Variants in ZFAT observed in about 807,000 individuals in gnomAD.
The protein encoded by ZFAT is zinc finger protein ZFAT.
A neutral mutation model predicts 117.7 loss-of-function variants in ZFAT; 64 were observed. The observed-to-expected ratio is 0.54, with a 90% CI of 0.44 to 0.67. The LOEUF (loss-of-function observed/expected upper bound fraction) is 0.67, where lower values mean the gene tolerates loss of function less well. ZFAT is among the 30% of genes least tolerant of loss of function. The pLI is 0.00. For missense variants in ZFAT, 1,433 were observed against 1,584.5 expected (o/e 0.90, Z 1.62); for synonymous variants, 679 against 615.0 (o/e 1.10, Z -1.54).
chr8:134,486,342 T>A (rs1409854631), intron 15 of ZFAT, among the ~76,000 whole-genome samples: 1 of 149,086 alleles, frequency 6.7e-6, no homozygotes, highest in Non-Finnish European at 1.5e-5. Context: ...ACAGGAATCA[T>A]CCTTTATGTT....
At chr8:134,819,098 C>A in the ZFAT span, among the ~76,000 whole-genome samples, 1 of 152,040 alleles carries the variant, frequency 6.6e-6, no homozygotes, top group African/African-American at 2.4e-5. Flanking sequence ...AAAATAGAGA[C>A]TTGCCGAAAG....
At chr8:134,532,043 T>C (rs1035810272) in intron 12 of ZFAT, among the ~76,000 whole-genome samples, 3 of 152,228 alleles carry the variant, frequency 2.0e-5, no homozygotes, top group Admixed American at 6.5e-5. Context: ...AGCTGAAGTA[T>C]TGAAGTGTAG....
At chr8:134,520,621 G>A (rs1820588208) in intron 13 of ZFAT, among the ~76,000 whole-genome samples, 1 of 152,102 alleles carries the variant, frequency 6.6e-6, no homozygotes, top group Non-Finnish European at 1.5e-5. Context: ...AATAACATAA[G>A]TAAAAGTGTC....
chr8:134,522,092 G>T (rs1254434725), intron 12 of ZFAT, among the ~76,000 whole-genome samples: 1 of 152,224 alleles, frequency 6.6e-6, no homozygotes, highest in Admixed American at 6.5e-5. Flanking sequence ...GCCAGAGAGC[G>T]TGTTCTTTCC....
intron 11 of ZFAT, among the ~76,000 whole-genome samples, chr8:134,552,824 GCA>G (rs1823271583): frequency 6.6e-6 from 1 of 152,332 alleles, no homozygotes; most frequent in Middle Eastern, 3.4e-3. Flanking sequence ...TCTCCAAAAT[GCA>G]CAGATTTCAA....
At chr8:134,739,474 C>T in the ZFAT span, among the ~76,000 whole-genome samples, 2 of 152,180 alleles carry the variant, frequency 1.3e-5, no homozygotes, top group African/African-American at 4.8e-5. Flanking sequence ...TAGGGCAGGT[C>T]ATAGCCTCTC....
chr8:134,520,833 T>C (rs187603886), intron 13 of ZFAT, 50 bp downstream of exon 13: 2 of 1,471,932 alleles, frequency 1.4e-6, no homozygotes, highest in Admixed American at 3.6e-5. Context: ...GCCTGGTTTG[T>C]CATCTGTGTT....
chr8:134,609,563 A>AT (rs1216412329), intron 4 of ZFAT, among the ~76,000 whole-genome samples: 1 of 152,180 alleles, frequency 6.6e-6, no homozygotes, highest in African/African-American at 2.4e-5. Context: ...ATTTATTCAG[A>AT]TTTTTCATTT....
the ZFAT span, among the ~76,000 whole-genome samples, chr8:134,755,475 T>C: frequency 1.5e-4 from 22 of 150,014 alleles, no homozygotes; most frequent in East Asian, 3.0e-3. Flanking sequence ...AATTACATAG[T>C]GGTGAATTCT....
intron 1 of ZFAT, chr8:134,696,648 C>A (rs1833857562): frequency 1.0e-6 from 1 of 980,464 alleles, no homozygotes; most frequent in South Asian, 4.7e-5. Context: ...CCAGGTGGGA[C>A]AGGGCATCCT....
At chr8:134,750,434 A>C in the ZFAT span, among the ~76,000 whole-genome samples, 1 of 152,112 alleles carries the variant, frequency 6.6e-6, no homozygotes, top group African/African-American at 2.4e-5. Flanking sequence ...CTTGTGCCTT[A>C]TATTTATGTG....
intron 7 of ZFAT, among the ~76,000 whole-genome samples, chr8:134,597,057 T>C (rs992143191): frequency 5.3e-5 from 8 of 152,170 alleles, no homozygotes; most frequent in African/African-American, 1.9e-4. Flanking sequence ...AAAATATATC[T>C]TGATAAAGTA....
intron 10 of ZFAT, among the ~76,000 whole-genome samples, chr8:134,575,321 A>G (rs753946038): frequency 6.6e-6 from 1 of 152,246 alleles, no homozygotes; most frequent in African/African-American, 2.4e-5. Context: ...TGAAATCACA[A>G]GGGTCCTTAT....
chr8:134,574,416 C>T (rs2241893), intron 10 of ZFAT, among the ~76,000 whole-genome samples: 34,541 of 151,596 alleles, frequency 0.23, 4,522 homozygotes, highest in East Asian at 0.52. Flanking sequence ...ACAGTATGTG[C>T]GGCACCTGTT....
the ZFAT span, among the ~76,000 whole-genome samples, chr8:134,768,767 T>C: frequency 6.6e-6 from 1 of 152,206 alleles, no homozygotes; most frequent in Non-Finnish European, 1.5e-5. Flanking sequence ...AGTCAAACCA[T>C]ATTATTCTGC....
intron 1 of ZFAT, among the ~76,000 whole-genome samples, chr8:134,664,691 C>T (rs933457153): frequency 5.9e-5 from 9 of 152,170 alleles, no homozygotes; most frequent in African/African-American, 9.7e-5. Flanking sequence ...ATTGTTAATC[C>T]GCCAAAATAA....
Position 134,478,415 on chromosome 8 carries a change from C to T in ZFAT, c.*67G>A. The T allele has an allele frequency of 6.6e-7, 1 of 1,515,930 alleles. No homozygotes were observed. Among genetic ancestry groups the T allele is most frequent in the East Asian group, 2.5e-5 (1 of 40,454 alleles). 93.9% of individuals were successfully genotyped at this position (1,515,930 alleles called of 1,614,324 possible). A position where few individuals can be genotyped will look rare whatever the true frequency, so the allele number is the denominator to read the frequency against. Reference sequence around the variant, plus strand: ...CTGCGGGTAGGGCAGGAAGGGTGGCCTCCCCACCCTGGGTGCCTGCAGAGC... The same window carrying T: ...CTGCGGGTAGGGCAGGAAGGGTGGCTTCCCCACCCTGGGTGCCTGCAGAGC... On this transcript the variant is annotated 3_prime_UTR_variant, in exon 16 of 16. Coordinates refer to ENST00000377838, the MANE Select transcript of ZFAT (RefSeq NM_020863.4). The surrounding 1 kb of genome is among the most constrained non-coding windows in gnomAD (Gnocchi z 5.2).
chr8:134,601,590 G>T lies in ZFAT; in HGVS notation c.2129C>A (p.Ser710Ter), dbSNP rs1362025359. Residue 710 changes from serine to a stop codon, truncating the protein, a stop_gained, in exon 6 of 16, where the codon TCA becomes TAA. Transcript: ENST00000377838. LOFTEE classifies it high-confidence loss of function. ...DSCKAAPEHRSGITAFMKVLN... is the reference protein window; with the variant it reads ...DSCKAAPEHR ...GACCTTCATGAAAGCGGTGATGCCT[G>T]ACCGGTGCTCAGGGGCAGCTTTGCA... is the stretch of plus-strand genomic sequence containing the variant. 6.2e-7 allele frequency: 1 copy of T among 1,614,228 alleles called. No individual in the cohort carries two copies. The highest frequency in any genetic ancestry group is 2.2e-5 in the East Asian group (1 of 44,882).
chr8:134,730,087 C>A, the ZFAT span, among the ~76,000 whole-genome samples: 10 of 152,132 alleles, frequency 6.6e-5, no homozygotes, highest in African/African-American at 1.9e-4. Flanking sequence ...GGTTGTTACG[C>A]GCTGCTCCCA....
Sources: allele counts gnomAD v4.1 joint callset (sites outside exome capture counted in the v4.1 genomes callset), GRCh38; gene constraint gnomAD v4.1.1; non-coding constraint Gnocchi (gnomAD v3.1); transcripts MANE v1.5; gene names NCBI Gene and HGNC (gene_info 2026-07-23, HGNC 2026-07-21).